MGAT4C: variants seen among roughly 807,000 people sequenced by gnomAD.
MGAT4C encodes MGAT4 family member C, also known as alpha-1,3-mannosyl-glycoprotein 4-beta-N-acetylglucosaminyltransferase C.
In MGAT4C, 19 loss-of-function variants were observed where a neutral mutation model predicts 40.1. The observed-to-expected ratio is 0.47, with a 90% CI of 0.33 to 0.70. MGAT4C has a LOEUF of 0.70. Among genes scored for constraint, MGAT4C ranks in the 30% least tolerant of loss-of-function variants. The pLI is 0.02. For missense variants in MGAT4C, 491 were observed against 563.2 expected, an observed-to-expected ratio of 0.87 and a Z score of 1.30; for synonymous variants, 181 against 187.1, an observed-to-expected ratio of 0.97 and a Z score of 0.27.
chr12:86,181,873 A>G (rs191202443), intron 1 of MGAT4C, among the ~76,000 whole-genome samples: 87 of 152,050 alleles, frequency 5.7e-4, no homozygotes, highest in African/African-American at 1.9e-3. Context: ...ATATTTTTAA[A>G]CCCTTCTGAA....
At chr12:86,186,695 A>G (rs781000394) in intron 1 of MGAT4C, among the ~76,000 whole-genome samples, 41 of 152,080 alleles carry the variant, frequency 2.7e-4, no homozygotes, top group Non-Finnish European at 5.9e-4. Flanking sequence ...GCCTAAAACC[A>G]TATTCCACAT....
chr12:86,056,084 C>A (rs905219586), intron 1 of MGAT4C, among the ~76,000 whole-genome samples: 3 of 152,072 alleles, frequency 2.0e-5, no homozygotes, highest in Non-Finnish European at 4.4e-5. Flanking sequence ...AGGCATTCTT[C>A]TGGATAATTT....
At chr12:86,673,511 A>G (rs1964315118) in intron 2 of MGAT4C, among the ~76,000 whole-genome samples, 1 of 152,162 alleles carries the variant, frequency 6.6e-6, no homozygotes, top group Non-Finnish European at 1.5e-5. Flanking sequence ...TTAAAGATAT[A>G]AGAAGAAAAT....
intron 2 of MGAT4C, among the ~76,000 whole-genome samples, chr12:86,500,172 T>A (rs528581843): frequency 6.6e-6 from 1 of 152,070 alleles, no homozygotes; most frequent in African/African-American, 2.4e-5. Flanking sequence ...ATGGTGAATA[T>A]CTATATTCAT....
At chr12:86,062,368 GA>G (rs1416853344) in intron 1 of MGAT4C, among the ~76,000 whole-genome samples, 4 of 152,110 alleles carry the variant, frequency 2.6e-5, no homozygotes, top group Non-Finnish European at 5.9e-5. Context: ...GACCCCATCT[GA>G]AGATCACCAA....
chr12:86,820,818 G>C (rs1049710430), intron 1 of MGAT4C, among the ~76,000 whole-genome samples: 1 of 150,826 alleles, frequency 6.6e-6, no homozygotes, highest in Non-Finnish European at 1.5e-5. Flanking sequence ...CTAATATTAA[G>C]TCACAGTGGA....
chr12:86,685,278 T>C (rs1950054103), intron 2 of MGAT4C, among the ~76,000 whole-genome samples: 2 of 152,166 alleles, frequency 1.3e-5, no homozygotes, highest in Non-Finnish European at 1.5e-5. Flanking sequence ...CCCAACACCA[T>C]TTATTAAATA....
intron 2 of MGAT4C, among the ~76,000 whole-genome samples, chr12:86,579,696 T>C (rs1960705273): frequency 2.0e-5 from 3 of 151,608 alleles, no homozygotes. Context: ...CCTTTCTTTC[T>C]AATTGAGTAT....
At chr12:86,441,124 T>A (rs978772554) in intron 2 of MGAT4C, among the ~76,000 whole-genome samples, 1 of 152,058 alleles carries the variant, frequency 6.6e-6, no homozygotes, top group Non-Finnish European at 1.5e-5. Context: ...ATTATAAAAT[T>A]TCTTTGGAAC....
At chr12:86,365,833 C>A (rs1955581051) in intron 3 of MGAT4C, among the ~76,000 whole-genome samples, 1 of 152,010 alleles carries the variant, frequency 6.6e-6, no homozygotes, top group Admixed American at 6.6e-5. Context: ...ATACCTTGGG[C>A]TTTGCTGTTT....
intron 2 of MGAT4C, among the ~76,000 whole-genome samples, chr12:86,726,821 G>T (rs949774360): frequency 3.3e-5 from 5 of 152,078 alleles, no homozygotes; most frequent in Non-Finnish European, 7.4e-5. Flanking sequence ...AAAACGTAGA[G>T]ATGTTGTCCA....
intron 4 of MGAT4C, among the ~76,000 whole-genome samples, chr12:86,295,966 TAG>T (rs1289010294): frequency 4.1e-5 from 6 of 146,950 alleles, no homozygotes; most frequent in Non-Finnish European, 7.4e-5. Flanking sequence ...CCAGAGCAGC[TAG>T]ATACAGAGTG....
chr12:86,672,953 C>T (rs1040714953), intron 2 of MGAT4C, among the ~76,000 whole-genome samples: 2 of 151,804 alleles, frequency 1.3e-5, no homozygotes, highest in African/African-American at 4.8e-5. Context: ...ATAAAGCAAT[C>T]TTAGGTTCTT....
chr12:86,618,789 A>G (rs1414220060), intron 2 of MGAT4C, among the ~76,000 whole-genome samples: 2 of 152,096 alleles, frequency 1.3e-5, no homozygotes, highest in Non-Finnish European at 2.9e-5. Flanking sequence ...AGTTGACAAT[A>G]TATTGTATAT....
At chr12:86,503,873 A>G (rs1958421934) in intron 2 of MGAT4C, among the ~76,000 whole-genome samples, 2 of 144,424 alleles carry the variant, frequency 1.4e-5, no homozygotes, top group African/African-American at 5.0e-5. Context: ...CTAAAAAAAT[A>G]AATTTCATTA....
At chr12:86,505,020 G>T (rs906680509) in intron 2 of MGAT4C, among the ~76,000 whole-genome samples, 2 of 152,102 alleles carry the variant, frequency 1.3e-5, no homozygotes, top group Admixed American at 1.3e-4. Context: ...AGAAGACCTA[G>T]CAAGTGTCAC....
chr12:86,450,406 C>T (rs977514860), intron 2 of MGAT4C, among the ~76,000 whole-genome samples: 1 of 152,118 alleles, frequency 6.6e-6, no homozygotes, highest in Non-Finnish European at 1.5e-5. Flanking sequence ...CAGATTAACA[C>T]ATTCCCTGAC....
chr12:86,173,671 G>T (rs1186492819), intron 1 of MGAT4C, among the ~76,000 whole-genome samples: 2 of 151,978 alleles, frequency 1.3e-5, no homozygotes. Context: ...TTATTCATTT[G>T]ATAGGGAAAT....
chr12:85,992,079 C>G (rs888138175), intron 2 of MGAT4C, among the ~76,000 whole-genome samples: 1 of 152,120 alleles, frequency 6.6e-6, no homozygotes, highest in African/African-American at 2.4e-5. Context: ...CCAGGGTCTG[C>G]GGAAAGGTAA....
Sources: allele counts gnomAD v4.1 joint callset (sites outside exome capture counted in the v4.1 genomes callset), GRCh38; gene constraint gnomAD v4.1.1; transcripts MANE v1.5; gene names NCBI Gene and HGNC (gene_info 2026-07-23, HGNC 2026-07-21).